VWA5A: variants seen among roughly 807,000 people sequenced by gnomAD.
VWA5A encodes von Willebrand factor A domain containing 5A, also known as von Willebrand factor A domain-containing protein 5A.
Under a neutral mutation model 84.6 loss-of-function variants are expected in VWA5A, and 77 were observed. That is an observed-to-expected ratio of 0.91 (90% CI 0.76 to 1.10). The LOEUF is 1.10. Ranked by LOEUF, VWA5A falls within the 50% of genes least tolerant of loss-of-function variation. The pLI, the probability that VWA5A is intolerant of heterozygous loss-of-function variation, is 0.00. For missense variants in VWA5A, 973 were observed against 963.0 expected (o/e 1.01, Z -0.14); for synonymous variants, 334 against 350.1 (o/e 0.95, Z 0.51).
chr11:124,137,255 A>G lies in VWA5A; in HGVS notation c.1866A>G (p.Ile622Met), dbSNP rs1860627034. ...ILLGASAPLK[I>M]KCQSGFRKAL... ...TGGGTGCTTCTGCCCCATTGAAGAT[A>G]AAATGCCAATCAGGTAATGAGTTTT... Residue 622 changes from isoleucine to methionine, a missense_variant, in exon 15 of 19, where the codon ATA becomes ATG. Coordinates refer to ENST00000456829, the MANE Select transcript of VWA5A (RefSeq NM_001130142.2). 1.9e-6 allele frequency: 3 copies of G among 1,614,032 alleles called. No homozygotes were observed. The East Asian group carries it at 6.7e-5, about 36-fold the overall frequency.
intron 18 of VWA5A, 26 bp from the exon 19 acceptor site, chr11:124,145,840 C>G (rs760018366): frequency 2.6e-6 from 4 of 1,562,358 alleles, no homozygotes; most frequent in Non-Finnish European, 3.5e-6. Context: ...TCCTTCATCC[C>G]TGCTTCTTGT....
intron 17 of VWA5A, 106 bp from the exon 18 acceptor site, chr11:124,145,130 TC>T: frequency 2.9e-6 from 4 of 1,396,350 alleles, no homozygotes; most frequent in Non-Finnish European, 3.8e-6. Flanking sequence ...ACCAGGTAAC[TC>T]CATCTAGTGA....
At chr11:124,116,035 C>T (rs1223133070) in intron 1 of VWA5A, 2 of 152,310 alleles carry the variant, frequency 1.3e-5, no homozygotes, top group Non-Finnish European at 2.9e-5. Context: ...GTTCCGAGTT[C>T]TCCACTTCAC....
intron 2 of VWA5A, 78 bp from the exon 3 acceptor site, chr11:124,117,419 A>G: frequency 7.5e-7 from 1 of 1,336,476 alleles, no homozygotes; most frequent in Non-Finnish European, 1.1e-6. Context: ...CTTATGCCAG[A>G]GAAAGGCACA....
intron 17 of VWA5A, among the ~76,000 whole-genome samples, chr11:124,143,462 A>T (rs774304842): frequency 1.3e-4 from 20 of 152,174 alleles, no homozygotes; most frequent in Non-Finnish European, 2.4e-4. Context: ...AAACGTGGCT[A>T]ATACAAATGA....
chr11:124,145,148 G>T, intron 17 of VWA5A, 89 bp from the exon 18 acceptor site: 1 of 1,479,832 alleles, frequency 6.8e-7, no homozygotes, highest in Admixed American at 2.0e-5. Flanking sequence ...GTGACATTTA[G>T]AAGGATGCTA....
In VWA5A at chr11:124,118,265, A is replaced by T. The variant is rs767415315; in HGVS notation, c.323A>T (p.Asp108Val). The T allele has an allele frequency of 1.9e-6, 3 of 1,614,142 alleles. No homozygotes were observed. In the East Asian group the frequency reaches 6.7e-5, roughly 36 times the overall value. The stretch of plus-strand genomic sequence containing the variant: ...TTGGAGGGGGACAGCAGCTCCAGGG[A>T]TGTCTTCTCTTGCAATGTGGGTAAC... ...FLLEGDSSSR[D>V]VFSCNVGNLQ... is the part of the protein sequence containing the mutation. Residue 108 changes from aspartate to valine, a missense_variant, in exon 5 of 19, where the codon GAT (aspartate) becomes GTT (valine). By Grantham distance (152) the Asp-to-Val change is radical. Transcript: ENST00000456829.
chr11:124,119,139 C>T (rs1864891821), intron 7 of VWA5A, 50 bp downstream of exon 7: 1 of 1,484,396 alleles, frequency 6.7e-7, no homozygotes, highest in Non-Finnish European at 9.3e-7. Context: ...AACTCCCTGT[C>T]TTGGAATTAC....
At chr11:124,123,159 C>A in intron 8 of VWA5A, 30 bp downstream of exon 8, 1 of 1,599,360 alleles carries the variant, frequency 6.3e-7, no homozygotes, top group South Asian at 1.1e-5. Context: ...TCTTCTGGGT[C>A]ACATGCTCAA....
chr11:124,138,302 A>G (rs1285187433), intron 15 of VWA5A, among the ~76,000 whole-genome samples: 1 of 152,138 alleles, frequency 6.6e-6, no homozygotes, highest in African/African-American at 2.4e-5. Flanking sequence ...TCTTTTGGGT[A>G]TATATCCAGC....
At chr11:124,139,259 T>TGTGTGTG (rs1860680107) in intron 15 of VWA5A, among the ~76,000 whole-genome samples, 1 of 104,550 alleles carries the variant, frequency 9.6e-6, no homozygotes, top group Non-Finnish European at 2.0e-5. Flanking sequence ...GTGTGTGTGT[T>TGTGTGTG]TTCTCAAGGT....
Position 124,118,602 on chromosome 11 carries a change from T to G in VWA5A, c.539T>G (p.Leu180Arg). ...CCTGTGGAGGACCTGCCCTACACAC[T>G]CAGCATGGTCGCCACCATAGATTCC... The part of the protein sequence containing the change: ...IVPVEDLPYT[L>R]SMVATIDSQH... Residue 180 changes from leucine to arginine, a missense_variant, in exon 6 of 19, where the codon CTC (leucine) becomes CGC (arginine). Transcript: ENST00000456829. The G allele has an allele frequency of 1.2e-6, 2 of 1,614,164 alleles. No individual in the cohort carries two copies. Among genetic ancestry groups the G allele is most frequent in the Non-Finnish European group, 1.7e-6 (2 of 1,180,020 alleles).
rs372674096 is a variant in VWA5A, at chr11:124,135,591, C to G, written c.1360-538C>G. The stretch of plus-strand genomic sequence containing the variant: ...TGTCGCCCAGGCTGGAGTGCAGTGG[C>G]GGGATCTCGGCTCACTGCAAGCTCC... On this transcript the variant is annotated intron_variant, in intron 12 of 18. Coordinates refer to ENST00000456829, the MANE Select transcript of VWA5A (RefSeq NM_001130142.2). 2.8e-3 allele frequency among the ~76,000 whole-genome samples: 340 copies of G among 123,354 alleles called. 1 individual carries two copies. The highest frequency in any genetic ancestry group is 0.011 in the African/African-American group (325 of 30,742). The allele number at this position is 123,354 out of a possible 152,430, so 80.9% of individuals were successfully genotyped here.
chr11:124,135,732 G>A (rs1052023289), intron 12 of VWA5A, among the ~76,000 whole-genome samples: 14 of 150,532 alleles, frequency 9.3e-5, no homozygotes, highest in Non-Finnish European at 3.0e-5. Flanking sequence ...GGGTTTCACC[G>A]TTTTAGCCGG....
intron 11 of VWA5A, among the ~76,000 whole-genome samples, chr11:124,125,902 G>A (rs1206122176): frequency 6.6e-6 from 1 of 152,076 alleles, no homozygotes; most frequent in Non-Finnish European, 1.5e-5. Context: ...AGTGTTTTCT[G>A]TGTCCTGTTA....
rs1865177597 is a variant in VWA5A, at chr11:124,136,115, C to T, written c.1360-14C>T. ...GTATCATTTGTGTTTATTCTGTTCT[C>T]TTCCCCACATTAGGCTCTCAGGACT... On this transcript the variant is annotated splice_polypyrimidine_tract_variant and intron_variant, in intron 12 of 18. Transcript: ENST00000456829. The T allele has an allele frequency of 6.2e-7, 1 of 1,612,662 alleles. No homozygotes were observed. The highest frequency in any genetic ancestry group is 1.1e-5 in the South Asian group (1 of 90,986).
rs761896570 is a variant in VWA5A, at chr11:124,145,412, C to A, written c.2281+49C>A. 5 of 1,553,606 alleles carry A rather than the reference C, an allele frequency of 3.2e-6. No individual in the cohort carries two copies. In the South Asian group the frequency reaches 3.8e-5, roughly 12 times the overall value. ...GTCTCCTTCCCCTTCCCTGGCCTGGCGGAAGGTGACCACAAGAGAGTCCCA... is the reference window on the plus strand; with the variant it reads ...GTCTCCTTCCCCTTCCCTGGCCTGGAGGAAGGTGACCACAAGAGAGTCCCA... On this transcript the variant is annotated intron_variant, in intron 18 of 18. Coordinates refer to ENST00000456829, the MANE Select transcript of VWA5A (RefSeq NM_001130142.2).
At chr11:124,137,349 G>T in intron 15 of VWA5A, 81 bp downstream of exon 15, 1 of 1,513,878 alleles carries the variant, frequency 6.6e-7, no homozygotes, top group Non-Finnish European at 8.8e-7. Flanking sequence ...GGAAAGGGCT[G>T]TGAAATGTTC....
chr11:124,136,750 TTCCCTCCCTCCC>T lies in VWA5A; in HGVS notation c.1625+96_1625+107del, dbSNP rs762958600. 2.7e-4 allele frequency: 219 copies of T among 812,196 alleles called. 3 individuals carry two copies. The African/African-American group carries it at 3.0e-3, about 11-fold the overall frequency. The allele number at this position is 812,196 out of a possible 1,614,324, so 50.3% of individuals were successfully genotyped here. On this transcript the variant is annotated intron_variant, in intron 14 of 18. Transcript: ENST00000456829. ...CTTCCTTCCTTCCTTCCTTCCTTCA[TTCCCTCCCTCCC>T]TCCCTCCCTCCCTCCCTCCTTCCTT...
Sources: gnomAD v4.1 joint callset for allele counts (sites outside exome capture counted in the v4.1 genomes callset) on GRCh38, gnomAD v4.1.1 for gene constraint, MANE v1.5 for transcripts, NCBI Gene and HGNC (gene_info 2026-07-23, HGNC 2026-07-21) for gene names.